Variants in HOMER2 observed in about 807,000 individuals in gnomAD.
HOMER2 encodes homer protein homolog 2.
In HOMER2, 27 loss-of-function variants were observed where a neutral mutation model predicts 47.0. The observed-to-expected ratio is 0.57, with a 90% CI of 0.42 to 0.79. The LOEUF (loss-of-function observed/expected upper bound fraction) is 0.79. Ranked by LOEUF, HOMER2 falls within the 30% of genes least tolerant of loss-of-function variation. The pLI, the probability that HOMER2 is intolerant of heterozygous loss-of-function variation, is 0.00. For synonymous variants in HOMER2, 161 were observed against 163.8 expected (o/e 0.98, Z 0.13); for missense variants, 443 against 435.0 (o/e 1.02, Z -0.16).
At chr15:82,855,818 G>T (rs960863118) in intron 5 of HOMER2, among the ~76,000 whole-genome samples, 1 of 152,308 alleles carries the variant, frequency 6.6e-6, no homozygotes, top group African/African-American at 2.4e-5. Flanking sequence ...TGAGGAGGAC[G>T]TTTAAAACAA....
intron 1 of HOMER2, among the ~76,000 whole-genome samples, chr15:82,919,357 G>A (rs1248536492): frequency 6.6e-6 from 1 of 152,210 alleles, no homozygotes; most frequent in Non-Finnish European, 1.5e-5. Flanking sequence ...TCAAGGACAG[G>A]TTGGCCTGTT....
chr15:82,878,119 G>A (rs1005349963), intron 2 of HOMER2, among the ~76,000 whole-genome samples: 1 of 152,164 alleles, frequency 6.6e-6, no homozygotes, highest in African/African-American at 2.4e-5. Context: ...TTTAAATCTT[G>A]CTGCTACTTC....
chr15:82,841,348 T>C (rs558660590), exon 2 of HOMER2: 1 of 152,170 alleles, frequency 6.6e-6, no homozygotes, highest in Non-Finnish European at 1.5e-5. Flanking sequence ...GAAAAGCCAG[T>C]TGATCATCTT....
intron 1 of HOMER2, among the ~76,000 whole-genome samples, chr15:82,934,807 G>GT (rs1459300036): frequency 5.9e-5 from 9 of 152,194 alleles, no homozygotes; most frequent in African/African-American, 2.2e-4. Flanking sequence ...ACTCTGCAGT[G>GT]GCCGACAGGC....
chr15:82,891,101 C>A (rs1411922526), intron 2 of HOMER2, among the ~76,000 whole-genome samples: 1 of 152,150 alleles, frequency 6.6e-6, no homozygotes, highest in Non-Finnish European at 1.5e-5. Flanking sequence ...GGCAGAAAGA[C>A]CAGTTCCTTC....
intron 1 of HOMER2, among the ~76,000 whole-genome samples, chr15:82,941,248 A>G (rs1438465437): frequency 6.6e-6 from 1 of 151,946 alleles, no homozygotes; most frequent in Non-Finnish European, 1.5e-5. Context: ...GTTCAAGACC[A>G]GCCTGACCAA....
rs1033562420 is a variant in HOMER2, at chr15:82,849,739, G to C, written c.1008C>G (p.Leu336=). The change falls in exon 9 of 9, where the codon CTC becomes CTG. Residue 336 remains leucine (L), a synonymous_variant. Transcript: ENST00000450735. ...CCTAGTTATCGGTGCCCAGCTTGGAGAGCCCTCGGCGGAAGTCATGCAGGT... is the reference window on the plus strand; with the variant it reads ...CCTAGTTATCGGTGCCCAGCTTGGACAGCCCTCGGCGGAAGTCATGCAGGT... ...IDDLHDFRRG[L]SKLGTDN 2 of 1,613,668 alleles carry C rather than the reference G, an allele frequency of 1.2e-6. No individual in the cohort carries two copies. Among genetic ancestry groups the C allele is most frequent in the Non-Finnish European group, 1.7e-6 (2 of 1,179,780 alleles).
intron 3 of HOMER2, among the ~76,000 whole-genome samples, 195 bp from the exon 4 acceptor site, chr15:82,864,454 C>G (rs2051898404): frequency 6.6e-6 from 1 of 152,094 alleles, no homozygotes; most frequent in African/African-American, 2.4e-5. Context: ...AGTTCTGAAC[C>G]CATATCTAAG....
intron 1 of HOMER2, among the ~76,000 whole-genome samples, chr15:82,924,409 T>C (rs1213754431): frequency 1.3e-5 from 2 of 151,112 alleles, no homozygotes; most frequent in African/African-American, 4.9e-5. Flanking sequence ...CCCCTGCTTG[T>C]TCCCATGCAC....
intron 1 of HOMER2, among the ~76,000 whole-genome samples, chr15:82,923,022 T>C (rs966558678): frequency 6.6e-6 from 1 of 152,120 alleles, no homozygotes; most frequent in Non-Finnish European, 1.5e-5. Context: ...AACACCAGAC[T>C]GGGTTCTCTC....
intron 2 of HOMER2, among the ~76,000 whole-genome samples, chr15:82,891,895 A>T (rs1373085199): frequency 1.3e-5 from 2 of 152,144 alleles, no homozygotes; most frequent in East Asian, 1.9e-4. Context: ...AGGGGAATTC[A>T]GCTTTAGATA....
At chr15:82,876,430 A>G (rs1339862343) in intron 2 of HOMER2, among the ~76,000 whole-genome samples, 1 of 152,248 alleles carries the variant, frequency 6.6e-6, no homozygotes, top group Non-Finnish European at 1.5e-5. Context: ...TTCAATGGCA[A>G]GTAGTCAGGA....
chr15:82,857,422 CTTTTTTTTTT>C (rs71156058), intron 5 of HOMER2, among the ~76,000 whole-genome samples: 2 of 74,192 alleles, frequency 2.7e-5, no homozygotes, highest in South Asian at 5.8e-4. Flanking sequence ...GATGATACAG[CTTTTTTTTTT>C]TTTTTTTTTT....
chr15:82,865,731 G>A (rs1371116099), intron 3 of HOMER2, among the ~76,000 whole-genome samples: 1 of 152,226 alleles, frequency 6.6e-6, no homozygotes, highest in Non-Finnish European at 1.5e-5. Context: ...CTGTGACTAG[G>A]AGGGGCCAAG....
chr15:82,955,332 G>T (rs1336247692), upstream of HOMER2, among the ~76,000 whole-genome samples: 1 of 151,816 alleles, frequency 6.6e-6, no homozygotes, highest in Non-Finnish European at 1.5e-5. Context: ...ACCACACCTG[G>T]CTACTTTTTT....
intron 2 of HOMER2, among the ~76,000 whole-genome samples, chr15:82,891,832 A>T (rs149823698): frequency 1.3e-5 from 2 of 152,184 alleles, no homozygotes; most frequent in Non-Finnish European, 2.9e-5. Flanking sequence ...GTTTCGCTTT[A>T]TTAGCCCAAA....
intron 1 of HOMER2, among the ~76,000 whole-genome samples, chr15:82,937,036 G>A (rs1378585619): frequency 6.6e-6 from 1 of 152,158 alleles, no homozygotes; most frequent in Non-Finnish European, 1.5e-5. Flanking sequence ...GTTATAGCAG[G>A]CTTGAAATAT....
intron 1 of HOMER2, among the ~76,000 whole-genome samples, chr15:82,971,145 G>A (rs942609648): frequency 1.2e-4 from 18 of 152,158 alleles, no homozygotes; most frequent in African/African-American, 4.1e-4. Flanking sequence ...CTTGGTTAAC[G>A]TAACCCAATT....
At chr15:82,864,282 A>T in intron 3 of HOMER2, 23 bp from the exon 4 acceptor site, 1 of 1,564,418 alleles carries the variant, frequency 6.4e-7, no homozygotes, top group Non-Finnish European at 8.8e-7. Flanking sequence ...AATAGTTATT[A>T]AGGCTTTTAT....
Sources: allele counts gnomAD v4.1 joint callset (sites outside exome capture counted in the v4.1 genomes callset), GRCh38; gene constraint gnomAD v4.1.1; transcripts MANE v1.5; gene names NCBI Gene and HGNC (gene_info 2026-07-23, HGNC 2026-07-21).